PTPRD: variants seen among roughly 807,000 people sequenced by gnomAD.
The protein encoded by PTPRD is protein tyrosine phosphatase receptor type D.
A neutral mutation model predicts 214.5 loss-of-function variants in PTPRD; 34 were observed. That is an observed-to-expected ratio of 0.16 (90% CI 0.12 to 0.21). The LOEUF (loss-of-function observed/expected upper bound fraction) is 0.21. PTPRD is among the 10% of genes least tolerant of loss of function. PTPRD has a pLI of 1.00. For synonymous variants in PTPRD, 1,128 were observed against 845.7 expected, an observed-to-expected ratio of 1.33 and a Z score of -5.79; for missense variants, 2,545 against 2,398.7, an observed-to-expected ratio of 1.06 and a Z score of -1.27.
At chr9:10,319,307 G>T (rs2096505977) in intron 3 of PTPRD, among the ~76,000 whole-genome samples, 1 of 152,058 alleles carries the variant, frequency 6.6e-6, no homozygotes, top group African/African-American at 2.4e-5. Flanking sequence ...ATGACTTAGT[G>T]CTCATTTCAT....
intron 10 of PTPRD, among the ~76,000 whole-genome samples, chr9:9,162,947 C>G (rs1278911148): frequency 6.6e-6 from 1 of 152,054 alleles, no homozygotes; most frequent in African/African-American, 2.4e-5. Context: ...ATACTGTTGG[C>G]AACTTTTCTT....
At chr9:8,519,564 G>A (rs2097850754) in intron 20 of PTPRD, among the ~76,000 whole-genome samples, 1 of 152,088 alleles carries the variant, frequency 6.6e-6, no homozygotes, top group Non-Finnish European at 1.5e-5. Flanking sequence ...CCCTAGAATG[G>A]CAGCTTTTCA....
chr9:9,012,190 G>C (rs1029114083), intron 11 of PTPRD, among the ~76,000 whole-genome samples: 1 of 152,108 alleles, frequency 6.6e-6, no homozygotes. Context: ...CACAGGAAAT[G>C]AATTCTGCCA....
intron 3 of PTPRD, among the ~76,000 whole-genome samples, chr9:10,146,829 T>C (rs7862228): frequency 0.076 from 11,558 of 152,122 alleles, 1,265 homozygotes; most frequent in African/African-American, 0.24. Flanking sequence ...GTTTTAGTCG[T>C]CCATCCACAT....
chr9:9,904,838 G>A (rs1267240408), intron 5 of PTPRD, among the ~76,000 whole-genome samples: 1 of 152,046 alleles, frequency 6.6e-6, no homozygotes, highest in South Asian at 2.1e-4. Context: ...CAAACTCAGA[G>A]AAATCGTAGG....
intron 2 of PTPRD, among the ~76,000 whole-genome samples, chr9:10,480,020 A>G (rs1272103966): frequency 6.6e-6 from 1 of 152,208 alleles, no homozygotes; most frequent in African/African-American, 2.4e-5. Context: ...TATCAGGAAG[A>G]TATGAATGAT....
intron 2 of PTPRD, among the ~76,000 whole-genome samples, chr9:10,523,522 T>C (rs1387316110): frequency 1.3e-5 from 2 of 149,498 alleles, no homozygotes; most frequent in African/African-American, 4.9e-5. Flanking sequence ...AACCCTTTAA[T>C]ATAAACAAGC....
chr9:10,479,536 T>C (rs1286707297), intron 2 of PTPRD, among the ~76,000 whole-genome samples: 2 of 151,864 alleles, frequency 1.3e-5, no homozygotes, highest in Non-Finnish European at 2.9e-5. Context: ...TTGAAAATGT[T>C]GAAAGGATTC....
At chr9:10,013,745 C>T (rs1427158955) in intron 4 of PTPRD, among the ~76,000 whole-genome samples, 1 of 151,918 alleles carries the variant, frequency 6.6e-6, no homozygotes, top group Non-Finnish European at 1.5e-5. Context: ...TTTCAAGGTG[C>T]TGTTTCAATG....
chr9:8,618,984 T>G (rs2095715573), intron 14 of PTPRD, among the ~76,000 whole-genome samples: 1 of 143,264 alleles, frequency 7.0e-6, no homozygotes. Context: ...AGTCTCAAAC[T>G]CGTGACCTCA....
intron 14 of PTPRD, among the ~76,000 whole-genome samples, chr9:8,564,036 T>G (rs927806167): frequency 6.6e-6 from 1 of 152,160 alleles, no homozygotes; most frequent in East Asian, 1.9e-4. Context: ...CACTTTGAAT[T>G]ATGAATTTTG....
At chr9:10,146,951 G>T (rs563510901) in intron 3 of PTPRD, among the ~76,000 whole-genome samples, 2 of 152,250 alleles carry the variant, frequency 1.3e-5, no homozygotes, top group African/African-American at 4.8e-5. Flanking sequence ...GATAAGCCAA[G>T]ATCTTAGATC....
intron 8 of PTPRD, among the ~76,000 whole-genome samples, chr9:9,526,303 G>A (rs1226234090): frequency 6.6e-5 from 10 of 152,098 alleles, no homozygotes; most frequent in African/African-American, 7.2e-5. Context: ...TTACATACAC[G>A]TACTTGGGTG....
At chr9:10,105,222 T>C (rs1256635574) in intron 3 of PTPRD, among the ~76,000 whole-genome samples, 1 of 151,838 alleles carries the variant, frequency 6.6e-6, no homozygotes, top group Non-Finnish European at 1.5e-5. Context: ...ATTCAATTAG[T>C]CTTGAGGGAT....
At chr9:10,142,999 T>C (rs1364821698) in intron 3 of PTPRD, among the ~76,000 whole-genome samples, 1 of 151,644 alleles carries the variant, frequency 6.6e-6, no homozygotes, top group Non-Finnish European at 1.5e-5. Context: ...ATTGAAATCA[T>C]CATTCTCAGT....
chr9:9,393,857 C>G (rs2066767726), intron 9 of PTPRD, among the ~76,000 whole-genome samples: 1 of 152,120 alleles, frequency 6.6e-6, no homozygotes, highest in Non-Finnish European at 1.5e-5. Context: ...TAATTACCAT[C>G]AATTTCATCA....
rs1342206306 is a variant in PTPRD at position 8,948,523 on chromosome 9, ATATATATTTATATATATATT to A, written c.-104+70154_-104+70173del. ...TATATATTTATATATATATATTTAT[ATATATATTTATATATATATT>A]TATATATATTTATATATATTTATAT... On this transcript the variant is annotated intron_variant, in intron 11 of 45. Transcript: ENST00000381196. Among the ~76,000 whole-genome samples the A allele has an allele frequency of 6.8e-4, 33 of 48,470 alleles. 4 individuals carry two copies. Among genetic ancestry groups the A allele is most frequent in the African/African-American group, 1.1e-3 (16 of 14,996 alleles). The allele number at this position is 48,470 out of a possible 152,430, so 31.8% of individuals were successfully genotyped here. A position where few individuals can be genotyped will look rare whatever the true frequency, so the allele number is the denominator to read the frequency against.
At chr9:9,954,331 T>G (rs996533164) in intron 4 of PTPRD, among the ~76,000 whole-genome samples, 5 of 144,278 alleles carry the variant, frequency 3.5e-5, no homozygotes, top group Non-Finnish European at 7.6e-5. Flanking sequence ...AAAAGATCAT[T>G]GTCCTATAAA....
intron 33 of PTPRD, among the ~76,000 whole-genome samples, chr9:8,458,999 C>T (rs1423780099): frequency 3.3e-5 from 5 of 152,068 alleles, no homozygotes; most frequent in Non-Finnish European, 5.9e-5. Context: ...TTTCTCAACC[C>T]TCTCTTAATG....
Sources: allele counts gnomAD v4.1 joint callset (sites outside exome capture counted in the v4.1 genomes callset), GRCh38; gene constraint gnomAD v4.1.1; transcripts MANE v1.5; gene names NCBI Gene and HGNC (gene_info 2026-07-23, HGNC 2026-07-21).